Variants in ZFYVE26 observed in about 807,000 individuals in gnomAD.
ZFYVE26 encodes zinc finger FYVE-type containing 26.
Under a neutral mutation model 276.5 loss-of-function variants are expected in ZFYVE26, and 181 were observed. That is an observed-to-expected ratio of 0.65 (90% CI 0.58 to 0.74). The LOEUF is 0.74. Ranked by LOEUF, ZFYVE26 falls within the 30% of genes least tolerant of loss-of-function variation. The pLI, the probability that ZFYVE26 is intolerant of heterozygous loss-of-function variation, is 0.00. For missense variants in ZFYVE26, 2,821 were observed against 3,097.9 expected, an observed-to-expected ratio of 0.91 and a Z score of 2.12; for synonymous variants, 1,129 against 1,203.1, an observed-to-expected ratio of 0.94 and a Z score of 1.27.
chr14:67,783,061 G>A lies in ZFYVE26; in HGVS notation c.4091C>T (p.Pro1364Leu), dbSNP rs1175100171. 5.6e-6 allele frequency: 9 copies of A among 1,614,136 alleles called. No homozygotes were observed. Among genetic ancestry groups the A allele is most frequent in the Middle Eastern group, 1.6e-4 (1 of 6,062 alleles). Residue 1364 changes from proline to leucine, a missense_variant, in exon 21 of 42, where the codon CCT (proline) becomes CTT (leucine). Transcript: ENST00000347230. Reference sequence around the variant, plus strand: ...AGCCAGGAGGAAGGCCTCAAACAGAGGGAATTGTTCCAGAAGGCGCTCACA... The same window carrying A: ...AGCCAGGAGGAAGGCCTCAAACAGAAGGAATTGTTCCAGAAGGCGCTCACA... ...RECERLLEQF[P>L]LFEAFLLAAW...
chr14:67,745,011 C>T (rs1020921017), downstream of ZFYVE26, among the ~76,000 whole-genome samples: 1 of 152,204 alleles, frequency 6.6e-6, no homozygotes, highest in Non-Finnish European at 1.5e-5. Flanking sequence ...AATGGTTGAA[C>T]TAATTTACAC....
chr14:67,752,268 A>C (rs925384793), intron 40 of ZFYVE26, 76 bp downstream of exon 40: 1 of 1,517,708 alleles, frequency 6.6e-7, no homozygotes, highest in East Asian at 2.4e-5. Flanking sequence ...ACATTATGGA[A>C]AACAGAACAA....
At position 67,740,290 on chromosome 14, in the gene ZFYVE26, T is replaced by C. The variant is rs1310612328; in HGVS notation, n.2680-10471A>G. Among the ~76,000 whole-genome samples, 7 of 152,264 alleles carry C rather than the reference T, an allele frequency of 4.6e-5. No homozygotes were observed. The South Asian group carries it at 1.0e-3, about 23-fold the overall frequency. ...AACCAATATAATTGTATTGAAAGTATACACAATTTAATATATTCTCATAAA... is the reference window on the plus strand; with the variant it reads ...AACCAATATAATTGTATTGAAAGTACACACAATTTAATATATTCTCATAAA... On this transcript the variant is annotated intron_variant and non_coding_transcript_variant, in intron 13 of 14. Coordinates refer to the ZFYVE26 transcript ENST00000394455.
intron 12 of ZFYVE26, among the ~76,000 whole-genome samples, chr14:67,795,532 C>T (rs1318232844): frequency 6.6e-6 from 1 of 152,238 alleles, no homozygotes; most frequent in Non-Finnish European, 1.5e-5. Context: ...TAAGCAGGTA[C>T]ATTACAAATT....
In ZFYVE26 at chr14:67,802,176, GTT is replaced by G; in HGVS notation, c.1540_1541del (p.Asn514LeufsTer16). 6.2e-7 allele frequency: 1 copy of G among 1,614,194 alleles called. No individual in the cohort carries two copies. Among genetic ancestry groups the G allele is most frequent in the South Asian group, 1.1e-5 (1 of 91,078 alleles). ...CCTGGCACTGGGAGTGCTGGTGTGA[GTT>G]TACACAGAGGGCATAGATGGCATAC... ...MKYAIYALCV[N>X]SHQHSQCQDC... On this transcript the variant is annotated frameshift_variant, in exon 10 of 42. Coordinates refer to ENST00000347230, the MANE Select transcript of ZFYVE26 (RefSeq NM_015346.4). LOFTEE classifies it high-confidence loss of function.
chr14:67,810,066 G>A (rs1360220889), intron 3 of ZFYVE26, among the ~76,000 whole-genome samples: 1 of 152,178 alleles, frequency 6.6e-6, no homozygotes. Flanking sequence ...TTACAGGCGT[G>A]AGCCACCGTG....
At chr14:67,814,520 AAAACAAACAAACAAAC>A (rs201267729) in intron 2 of ZFYVE26, among the ~76,000 whole-genome samples, 13 of 151,006 alleles carry the variant, frequency 8.6e-5, no homozygotes, top group African/African-American at 3.0e-4. Flanking sequence ...CTCTGTCTCC[AAAACAAACAAACAAAC>A]AAACAAACAA....
At position 67,782,855 on chromosome 14, in the gene ZFYVE26, T is replaced by C. The variant is rs778493688; in HGVS notation, c.4297A>G (p.Thr1433Ala). Residue 1433 changes from threonine to alanine, a missense_variant, in exon 21 of 42, where the codon ACT (threonine) becomes GCT (alanine). By Grantham distance (58) the Thr-to-Ala change is moderately conservative. Transcript: ENST00000347230. ...ARDWSRALQL[T>A]EVYGRDVDDL... ...TCCACATCTCGCCCGTACACTTCAG[T>C]GAGCTGAAGGGCCCGGGACCAATCT... 1.3e-5 allele frequency: 21 copies of C among 1,614,206 alleles called. No homozygotes were observed. In the South Asian group the frequency reaches 1.9e-4, roughly 14 times the overall value.
In ZFYVE26 at chr14:67,750,972, G is replaced by A; in HGVS notation, c.7416+80C>T. 3 of 1,542,610 alleles carry A rather than the reference G, an allele frequency of 1.9e-6. No homozygotes were observed. The South Asian group carries it at 3.3e-5, about 17-fold the overall frequency. On this transcript the variant is annotated intron_variant, in intron 41 of 41. Transcript: ENST00000347230. ...ACGGGTTGTATGGAACTATTGTGGGGAGCAAGGGATAAAGGTGACTAGGCA... is the reference window on the plus strand; with the variant it reads ...ACGGGTTGTATGGAACTATTGTGGGAAGCAAGGGATAAAGGTGACTAGGCA...
chr14:67,797,097 C>T (rs1440028885), intron 12 of ZFYVE26: 1 of 156,388 alleles, frequency 6.4e-6, no homozygotes, highest in Non-Finnish European at 1.4e-5. Flanking sequence ...TAATATTAAT[C>T]CCTATAGAAA....
At chr14:67,786,315 C>A in intron 16 of ZFYVE26, 82 bp from the exon 17 acceptor site, 1 of 1,497,178 alleles carries the variant, frequency 6.7e-7, no homozygotes, top group Non-Finnish European at 9.0e-7. Flanking sequence ...CCTGTATTTA[C>A]CTGTGAAATT....
At chr14:67,741,843 C>T (rs750171749), downstream of ZFYVE26, among the ~76,000 whole-genome samples, 2 of 152,196 alleles carry the variant, frequency 1.3e-5, no homozygotes, top group Non-Finnish European at 2.9e-5. Context: ...CTTCTTCAGT[C>T]CTCAATTCCC....
intron 24 of ZFYVE26, 46 bp from the exon 25 acceptor site, chr14:67,777,781 T>C: frequency 1.9e-6 from 3 of 1,606,650 alleles, no homozygotes; most frequent in Non-Finnish European, 2.6e-6. Flanking sequence ...GCAGAAGAGC[T>C]CTTAGACCAG....
In ZFYVE26 at chr14:67,785,098, G is replaced by C. The variant is rs1279851550; in HGVS notation, c.3484C>G (p.Leu1162Val). The C allele has an allele frequency of 1.2e-6, 2 of 1,614,070 alleles. No homozygotes were observed. The highest frequency in any genetic ancestry group is 1.7e-6 in the Non-Finnish European group (2 of 1,180,034). Residue 1162 changes from leucine (L) to valine (V), a missense_variant, in exon 19 of 42, where the codon CTT (leucine) becomes GTT (valine). Transcript: ENST00000347230. The stretch of plus-strand genomic sequence containing the variant: ...AAACTTTGAAGGAGAACTGCAGCAA[G>C]GGTGCTGCAGTAACTGAAGAAGGTG... Reference protein sequence around the residue: ...LGTFFSYCSTLAAVLLQSLSS... With the variant: ...LGTFFSYCSTVAAVLLQSLSS...
chr14:67,777,251 C>T (rs749409951), intron 25 of ZFYVE26, among the ~76,000 whole-genome samples: 37 of 152,174 alleles, frequency 2.4e-4, no homozygotes, highest in Non-Finnish European at 5.3e-4. Context: ...AGCATTGATA[C>T]AGCAGATACC....
At chr14:67,815,716 T>C in intron 2 of ZFYVE26, 54 bp downstream of exon 2, 1 of 1,579,790 alleles carries the variant, frequency 6.3e-7, no homozygotes, top group African/African-American at 1.3e-5. Flanking sequence ...GCCCAAATAT[T>C]GAACCACATG....
downstream of ZFYVE26, among the ~76,000 whole-genome samples, chr14:67,745,101 C>T (rs570105951): frequency 6.6e-6 from 1 of 152,314 alleles, no homozygotes; most frequent in Non-Finnish European, 1.5e-5. Context: ...TTAATAATTG[C>T]CATTCTAACT....
chr14:67,762,564 C>T, intron 33 of ZFYVE26, 108 bp downstream of exon 33: 2 of 1,581,998 alleles, frequency 1.3e-6, no homozygotes, highest in South Asian at 1.1e-5. Context: ...CCCGATTCTA[C>T]CCCATGGGCA....
chr14:67,762,595 C>A, intron 33 of ZFYVE26, 77 bp downstream of exon 33: 1 of 1,603,648 alleles, frequency 6.2e-7, no homozygotes, highest in Non-Finnish European at 8.5e-7. Context: ...GAGACGGCAA[C>A]ACCTGTTTGC....
Sources: allele counts gnomAD v4.1 joint callset (sites outside exome capture counted in the v4.1 genomes callset), GRCh38; gene constraint gnomAD v4.1.1; transcripts MANE v1.5; gene names NCBI Gene and HGNC (gene_info 2026-07-23, HGNC 2026-07-21).